STK38: variants seen among roughly 807,000 people sequenced by gnomAD.
STK38 encodes serine/threonine-protein kinase 38.
In STK38, 26 loss-of-function variants were observed where a neutral mutation model predicts 59.0. That is an observed-to-expected ratio of 0.44 (90% CI 0.32 to 0.61). The LOEUF (loss-of-function observed/expected upper bound fraction) is 0.61. Ranked by LOEUF, STK38 falls within the 20% of genes least tolerant of loss-of-function variation. The pLI, the probability that STK38 is intolerant of heterozygous loss-of-function variation, is 0.04. For synonymous variants in STK38, 175 were observed against 176.6 expected, an observed-to-expected ratio of 0.99 and a Z score of 0.07; for missense variants, 433 against 566.0, an observed-to-expected ratio of 0.76 and a Z score of 2.38.
chr6:36,498,626 T>C, intron 10 of STK38, 140 bp from the exon 11 acceptor site: 5 of 959,568 alleles, frequency 5.2e-6, no homozygotes, highest in Admixed American at 3.2e-5. Flanking sequence ...CTCACTCTGT[T>C]ACCTAGGCTG....
chr6:36,508,876 G>A (rs1180578613), intron 7 of STK38, among the ~76,000 whole-genome samples: 8 of 152,250 alleles, frequency 5.3e-5, no homozygotes, highest in African/African-American at 1.9e-4. Context: ...CCTGCAGCTG[G>A]ATGAGATGCA....
intron 2 of STK38, among the ~76,000 whole-genome samples, chr6:36,530,036 T>C (rs1032707275): frequency 2.0e-5 from 3 of 151,866 alleles, no homozygotes. Flanking sequence ...AGGCCAGGAG[T>C]TGGACACCAG....
intron 12 of STK38, among the ~76,000 whole-genome samples, 162 bp downstream of exon 12, chr6:36,497,618 C>T (rs1298926436): frequency 6.6e-6 from 1 of 152,192 alleles, no homozygotes; most frequent in Non-Finnish European, 1.5e-5. Flanking sequence ...GACAAAAAAT[C>T]TAATGCCCAA....
chr6:36,545,774 G>GCC (rs1425018059), intron 1 of STK38, among the ~76,000 whole-genome samples: 2 of 152,088 alleles, frequency 1.3e-5, no homozygotes, highest in African/African-American at 4.8e-5. Flanking sequence ...CTTCAACTCT[G>GCC]AAGAATTAGG....
chr6:36,520,330 A>C (rs1777349436), intron 5 of STK38, among the ~76,000 whole-genome samples: 1 of 152,232 alleles, frequency 6.6e-6, no homozygotes, highest in South Asian at 2.1e-4. Flanking sequence ...AATATTTGCG[A>C]AAAGGCTTTT....
intron 1 of STK38, among the ~76,000 whole-genome samples, chr6:36,543,187 C>T (rs1333919810): frequency 6.6e-6 from 1 of 151,466 alleles, no homozygotes; most frequent in Non-Finnish European, 1.5e-5. Flanking sequence ...GCCTCAGCCT[C>T]CCGAGTAGCT....
chr6:36,500,469 A>C (rs1776809638), intron 9 of STK38, among the ~76,000 whole-genome samples: 1 of 152,138 alleles, frequency 6.6e-6, no homozygotes. Context: ...CAGTTTAAAA[A>C]TTAAATATCT....
intron 2 of STK38, among the ~76,000 whole-genome samples, chr6:36,526,931 C>G (rs944099202): frequency 6.6e-6 from 1 of 150,768 alleles, no homozygotes; most frequent in African/African-American, 2.4e-5. Context: ...TGGTGGCTCA[C>G]GCCTGTAATC....
intron 3 of STK38, 128 bp from the exon 4 acceptor site, chr6:36,524,591 T>A: frequency 1.1e-6 from 1 of 948,460 alleles, no homozygotes; most frequent in Non-Finnish European, 1.5e-6. Flanking sequence ...TCTTTTCACA[T>A]ATGAAATCAC....
chr6:36,529,938 T>C (rs1340998732), intron 2 of STK38, among the ~76,000 whole-genome samples: 2 of 151,662 alleles, frequency 1.3e-5, no homozygotes, highest in Non-Finnish European at 2.9e-5. Context: ...CCAGGAAAAA[T>C]AGTGTATTTA....
At chr6:36,529,492 C>A (rs1235169225) in intron 2 of STK38, among the ~76,000 whole-genome samples, 2 of 152,180 alleles carry the variant, frequency 1.3e-5, no homozygotes, top group Admixed American at 1.3e-4. Flanking sequence ...TGGAGCCACT[C>A]TTCCCTTCAA....
chr6:36,524,198 A>T, intron 4 of STK38, 143 bp downstream of exon 4: 1 of 954,606 alleles, frequency 1.0e-6, no homozygotes, highest in Non-Finnish European at 1.5e-6. Context: ...GCAGACAGAC[A>T]AAGCAATTAG....
chr6:36,497,859 C>T lies in STK38; in HGVS notation c.1093G>A (p.Glu365Lys). 6.2e-7 allele frequency: 1 copy of T among 1,613,370 alleles called. No homozygotes were observed. The highest frequency in any genetic ancestry group is 2.2e-5 in the East Asian group (1 of 44,876). ...DLILRFCCEW[E>K]HRIGAPGVEE... ...ACTCCAGGAGCTCCAATTCTATGTT[C>T]CCATTCACAGCAGAACCTGGAAAAG... The change falls in exon 12 of 14, where the codon GAA becomes AAA. Residue 365 changes from glutamate (E) to lysine (K), a missense_variant. By Grantham distance (56) the Glu-to-Lys change is moderately conservative. Coordinates refer to ENST00000229812, the MANE Select transcript of STK38 (RefSeq NM_007271.4).
Position 36,494,290 on chromosome 6 carries a change from A to G in STK38, c.*1494T>C, listed in dbSNP as rs1222612656. 6.5e-6 allele frequency: 1 copy of G among 152,686 alleles called. No individual in the cohort carries two copies. The allele number at this position is 152,686 out of a possible 1,614,324, so 9.5% of individuals were successfully genotyped here. A position where few individuals can be genotyped will look rare whatever the true frequency, so the allele number is the denominator to read the frequency against. ...TTTTTCTCTTCTGAATGGCTAAGCT[A>G]GGACATACTTTCCTTTCAAAGCTGA... is the stretch of plus-strand genomic sequence containing the variant. On this transcript the variant is annotated 3_prime_UTR_variant, in exon 14 of 14. Transcript: ENST00000229812.
chr6:36,530,265 C>T (rs1208542498), intron 2 of STK38, among the ~76,000 whole-genome samples: 1 of 147,528 alleles, frequency 6.8e-6, no homozygotes, highest in South Asian at 2.1e-4. Context: ...AGAAGAGGAG[C>T]GACAGATCGA....
At chr6:36,536,208 T>A (rs191113567) in intron 2 of STK38, among the ~76,000 whole-genome samples, 2 of 152,330 alleles carry the variant, frequency 1.3e-5, no homozygotes, top group East Asian at 3.9e-4. Flanking sequence ...TTTCCACAAA[T>A]GTTGCTAAAA....
At chr6:36,547,138 A>T (rs968427110) in intron 1 of STK38, 52 bp downstream of exon 1, 2 of 153,478 alleles carry the variant, frequency 1.3e-5, no homozygotes, top group African/African-American at 4.8e-5. Flanking sequence ...GAAGGAGGAG[A>T]TAAAGGAAAA....
At chr6:36,507,449 T>C (rs1363613575) in intron 8 of STK38, 51 bp downstream of exon 8, 1 of 1,474,756 alleles carries the variant, frequency 6.8e-7, no homozygotes, top group East Asian at 2.3e-5. Flanking sequence ...GGGAAACAGC[T>C]CTTCTAGGCC....
chr6:36,525,322 T>C (rs1777484835), intron 3 of STK38, among the ~76,000 whole-genome samples: 1 of 142,146 alleles, frequency 7.0e-6, no homozygotes, highest in Non-Finnish European at 1.5e-5. Flanking sequence ...CTTGCTCTTT[T>C]AAAATTTAAT....
Sources: gnomAD v4.1 joint callset for allele counts (sites outside exome capture counted in the v4.1 genomes callset) on GRCh38, gnomAD v4.1.1 for gene constraint, MANE v1.5 for transcripts, NCBI Gene and HGNC (gene_info 2026-07-23, HGNC 2026-07-21) for gene names.